U2SURP: variants seen among roughly 807,000 people sequenced by gnomAD.
U2SURP encodes U2 snRNP-associated SURP motif-containing protein.
A neutral mutation model predicts 144.9 loss-of-function variants in U2SURP; 9 were observed. The ratio of observed to expected loss-of-function variants is 0.06; its 90% CI spans 0.04 to 0.11. U2SURP has a LOEUF of 0.11. Among genes scored for constraint, U2SURP ranks in the 10% least tolerant of loss-of-function variants. U2SURP has a pLI of 1.00. For missense variants in U2SURP, 724 were observed against 1,226.7 expected (o/e 0.59, Z 6.12); for synonymous variants, 408 against 396.8 (o/e 1.03, Z -0.33).
rs1322689586 is a variant in U2SURP at position 143,056,545 on chromosome 3, A to C, written c.*95A>C. The C allele has an allele frequency of 1.4e-6, 2 of 1,476,252 alleles. No homozygotes were observed. The highest frequency in any genetic ancestry group is 2.8e-5 in the African/African-American group (2 of 70,670). The allele number at this position is 1,476,252 out of a possible 1,614,324, so 91.4% of individuals were successfully genotyped here. A position where few individuals can be genotyped will look rare whatever the true frequency, so the allele number is the denominator to read the frequency against. ...AAAAAAACAAAAAATCAAATGAAAG[A>C]GCATTCCTGGGGTTTTTTGTTTGTT... is the stretch of plus-strand genomic sequence containing the variant. On this transcript the variant is annotated 3_prime_UTR_variant, in exon 28 of 28. Transcript: ENST00000473835.
intron 16 of U2SURP, 85 bp downstream of exon 16, chr3:143,028,731 C>T (rs1933303502): frequency 1.6e-6 from 2 of 1,213,070 alleles, no homozygotes; most frequent in Non-Finnish European, 2.3e-6. Flanking sequence ...AGATGTTAAC[C>T]CTAAAATAAA....
chr3:143,012,775 G>A (rs1936183871), intron 3 of U2SURP, among the ~76,000 whole-genome samples: 1 of 152,120 alleles, frequency 6.6e-6, no homozygotes, highest in South Asian at 2.1e-4. Context: ...ACTCTAATGA[G>A]TGCAGTGCCC....
At chr3:143,052,688 G>A (rs558303371) in intron 25 of U2SURP, among the ~76,000 whole-genome samples, 7 of 152,318 alleles carry the variant, frequency 4.6e-5, no homozygotes, top group South Asian at 2.1e-4. Context: ...AAAGCAGAGA[G>A]CATTTACTGT....
chr3:143,030,804 G>A (rs1933437095), intron 16 of U2SURP, among the ~76,000 whole-genome samples: 1 of 152,094 alleles, frequency 6.6e-6, no homozygotes, highest in Admixed American at 6.5e-5. Context: ...CCAGCACTAT[G>A]GGAGGCCGAG....
chr3:143,019,462 GGT>G (rs1218224406), intron 6 of U2SURP, among the ~76,000 whole-genome samples: 2 of 152,062 alleles, frequency 1.3e-5, no homozygotes, highest in African/African-American at 4.8e-5. Flanking sequence ...TTTAGTATAT[GGT>G]GTAAAGTAGA....
rs57705858 is a variant in U2SURP, at chr3:143,015,966, A to G, written c.322-291A>G. On this transcript the variant is annotated intron_variant, in intron 4 of 27. Transcript: ENST00000473835. ...TTACTAGCAAAATATGTTTTCATAT[A>G]GTCAGTTGTCATATAATTTGATGCT... Among the ~76,000 whole-genome samples the G allele has an allele frequency of 4.1e-3, 626 of 152,250 alleles. 2 individuals are homozygous for G. Among genetic ancestry groups the G allele is most frequent in the African/African-American group, 0.014 (601 of 41,570 alleles).
chr3:143,001,572 T>C lies in U2SURP; in HGVS notation c.-57T>C. 1.2e-6 allele frequency: 2 copies of C among 1,602,716 alleles called. No homozygotes were observed. The highest frequency in any genetic ancestry group is 2.2e-5 in the South Asian group (2 of 89,300). On this transcript the variant is annotated 5_prime_UTR_variant, in exon 1 of 28. Transcript: ENST00000473835. Reference sequence around the variant, plus strand: ...GGCGGGCTTCACTGAGATCCGCTCTTTCGGTGCTCGACTCGCCCGTGCTGC... The same window carrying C: ...GGCGGGCTTCACTGAGATCCGCTCTCTCGGTGCTCGACTCGCCCGTGCTGC...
intron 13 of U2SURP, chr3:143,024,370 T>A (rs749223398): frequency 4.3e-5 from 16 of 370,350 alleles, no homozygotes; most frequent in Non-Finnish European, 7.2e-5. Flanking sequence ...TGACCCAATC[T>A]GTTGTTATTT....
chr3:143,038,285 TTATG>T, intron 22 of U2SURP, 82 bp downstream of exon 22: 1 of 1,059,506 alleles, frequency 9.4e-7, no homozygotes, highest in African/African-American at 1.6e-5. Context: ...TGTTTTCCTT[TTATG>T]TTTTATAACA....
chr3:143,001,668 T>A lies in U2SURP; in HGVS notation c.40T>A (p.Ser14Thr), dbSNP rs1439244914. 6.8e-6 allele frequency: 11 copies of A among 1,613,856 alleles called. No homozygotes were observed. The highest frequency in any genetic ancestry group is 9.3e-6 in the Non-Finnish European group (11 of 1,179,880). ...KTPGGSQKASSKTRSSDVHSS... is the reference protein window; with the variant it reads ...KTPGGSQKASTKTRSSDVHSS... Reference sequence around the variant, plus strand: ...GCCAGGCGGATCTCAGAAGGCCAGTTCAAAGGTAATTTCTGACAAAATTTC... The same window carrying A: ...GCCAGGCGGATCTCAGAAGGCCAGTACAAAGGTAATTTCTGACAAAATTTC... Residue 14 changes from serine to threonine, a missense_variant, in exon 1 of 28, where the codon TCA (serine) becomes ACA (threonine). Physicochemically the swap from Ser to Thr is moderately conservative, Grantham distance 58. Around this residue, in one of 13 missense-constraint regions of U2SURP, gnomAD observed 127 missense variants for 98.2 expected, o/e 1.29. Coordinates refer to ENST00000473835, the MANE Select transcript of U2SURP (RefSeq NM_001080415.2).
At chr3:143,053,907 C>T in intron 26 of U2SURP, 113 bp downstream of exon 26, 2 of 916,220 alleles carry the variant, frequency 2.2e-6, no homozygotes, top group Non-Finnish European at 3.2e-6. Context: ...TCATGATAAA[C>T]TTGTTTGGGT....
chr3:143,031,472 G>T (rs1422971538), intron 16 of U2SURP, among the ~76,000 whole-genome samples: 1 of 48,152 alleles, frequency 2.1e-5, no homozygotes, highest in African/African-American at 1.1e-4. Flanking sequence ...CCACCACCCT[G>T]ATCAGTTGGC....
At chr3:143,023,619 T>C (rs1932962919) in intron 12 of U2SURP, among the ~76,000 whole-genome samples, 1 of 152,222 alleles carries the variant, frequency 6.6e-6, no homozygotes, top group South Asian at 2.1e-4. Context: ...GGGCTGGTTT[T>C]AAAGGCTTGG....
chr3:143,022,722 A>G (rs1479144794), intron 11 of U2SURP, 60 bp downstream of exon 11: 3 of 1,516,106 alleles, frequency 2.0e-6, no homozygotes, highest in Non-Finnish European at 2.7e-6. Flanking sequence ...TTGGAAAAGT[A>G]TTTATAAAAA....
At chr3:143,021,279 A>G in intron 8 of U2SURP, 71 bp from the exon 9 acceptor site, 1 of 1,502,776 alleles carries the variant, frequency 6.7e-7, no homozygotes, top group Non-Finnish European at 9.0e-7. Context: ...ACTGGGGGAA[A>G]CAAAGGTGAG....
intron 18 of U2SURP, among the ~76,000 whole-genome samples, chr3:143,033,880 ACTTT>A (rs1462849918): frequency 6.6e-6 from 1 of 152,190 alleles, no homozygotes; most frequent in African/African-American, 2.4e-5. Flanking sequence ...ATATCATATC[ACTTT>A]CTTAGCTATT....
chr3:143,059,075 T>C lies in U2SURP; in HGVS notation c.*2625T>C, dbSNP rs1935273188. ...GTTTCTTACCAAAGAGAGACAGACC[T>C]ATGATGGAAAATGATCACGTCTCTG... On this transcript the variant is annotated 3_prime_UTR_variant, in exon 28 of 28. Coordinates refer to ENST00000473835, the MANE Select transcript of U2SURP (RefSeq NM_001080415.2). 1 of 152,366 alleles carries C rather than the reference T, an allele frequency of 6.6e-6. No homozygotes were observed. The highest frequency in any genetic ancestry group is 1.5e-5 in the Non-Finnish European group (1 of 67,846). 9.4% of individuals were successfully genotyped at this position (152,366 alleles called of 1,614,324 possible).
chr3:143,027,331 G>C, intron 14 of U2SURP, 78 bp downstream of exon 14: 2 of 1,024,580 alleles, frequency 2.0e-6, no homozygotes. Flanking sequence ...ATACAGTTCA[G>C]TGTCATTAAG....
At chr3:143,008,400 T>C (rs552189220) in intron 1 of U2SURP, among the ~76,000 whole-genome samples, 1 of 152,384 alleles carries the variant, frequency 6.6e-6, no homozygotes, top group Non-Finnish European at 1.5e-5. Flanking sequence ...TTCTTAGTTA[T>C]TCTTTTGGAT....
Sources: gnomAD v4.1 joint callset for allele counts (sites outside exome capture counted in the v4.1 genomes callset) on GRCh38, gnomAD v4.1.1 for gene constraint, gnomAD v4.1.1 regional missense constraint, MANE v1.5 for transcripts, NCBI Gene and HGNC (gene_info 2026-07-23, HGNC 2026-07-21) for gene names.